COL14A1: variants seen among roughly 807,000 people sequenced by gnomAD.
COL14A1 encodes the protein collagen alpha-1(XIV) chain.
In COL14A1, 136 loss-of-function variants were observed where a neutral mutation model predicts 230.3. That is an observed-to-expected ratio of 0.59 (90% CI 0.51 to 0.68). The LOEUF (loss-of-function observed/expected upper bound fraction) is 0.68, where lower values mean the gene tolerates loss of function less well. Among genes scored for constraint, COL14A1 ranks in the 30% least tolerant of loss-of-function variants. The pLI, the probability that COL14A1 is intolerant of heterozygous loss-of-function variation, is 0.00. For synonymous variants in COL14A1, 792 were observed against 784.1 expected, an observed-to-expected ratio of 1.01 and a Z score of -0.17; for missense variants, 1,976 against 2,215.8, an observed-to-expected ratio of 0.89 and a Z score of 2.17.
intron 24 of COL14A1, among the ~76,000 whole-genome samples, chr8:120,264,692 GA>G (rs1819452716): frequency 6.6e-6 from 1 of 152,108 alleles, no homozygotes; most frequent in African/African-American, 2.4e-5. Flanking sequence ...AGTAGTTTTT[GA>G]AAAGTCAGAA....
At chr8:120,301,043 C>T (rs1343403209) in intron 36 of COL14A1, among the ~76,000 whole-genome samples, 1 of 152,116 alleles carries the variant, frequency 6.6e-6, no homozygotes, top group Non-Finnish European at 1.5e-5. Flanking sequence ...GATGATGCTT[C>T]TCACCACTGT....
At chr8:120,325,919 T>G (rs761124345) in intron 40 of COL14A1, among the ~76,000 whole-genome samples, 1 of 152,228 alleles carries the variant, frequency 6.6e-6, no homozygotes. Flanking sequence ...TTTTAGCTGT[T>G]AATAGTTGAA....
intron 5 of COL14A1, among the ~76,000 whole-genome samples, chr8:120,189,639 C>T (rs1413035783): frequency 7.8e-6 from 1 of 128,132 alleles, no homozygotes; most frequent in Non-Finnish European, 1.6e-5. Context: ...CCCCCCTCCC[C>T]CGACCCCACA....
intron 9 of COL14A1, among the ~76,000 whole-genome samples, chr8:120,205,538 C>T (rs1817401132): frequency 6.6e-6 from 1 of 152,048 alleles, no homozygotes; most frequent in African/African-American, 2.4e-5. Flanking sequence ...GGGTAATATC[C>T]AAGTCTTCTT....
chr8:120,340,958 T>C (rs1177792531), intron 42 of COL14A1, among the ~76,000 whole-genome samples: 1 of 152,190 alleles, frequency 6.6e-6, no homozygotes, highest in Non-Finnish European at 1.5e-5. Flanking sequence ...ATTTGTGAAA[T>C]AAATTATGAA....
chr8:120,249,654 C>T (rs1428893497), intron 21 of COL14A1, among the ~76,000 whole-genome samples: 1 of 152,092 alleles, frequency 6.6e-6, no homozygotes, highest in Non-Finnish European at 1.5e-5. Flanking sequence ...AGGACTTGCT[C>T]CTGGAATCTA....
intron 34 of COL14A1, among the ~76,000 whole-genome samples, chr8:120,294,976 A>G (rs1047876768): frequency 2.0e-5 from 3 of 151,878 alleles, no homozygotes; most frequent in Non-Finnish European, 4.4e-5. Context: ...AAAGGTTTGT[A>G]ATGTAGACAT....
At chr8:120,215,258 C>G (rs1361450489) in intron 13 of COL14A1, among the ~76,000 whole-genome samples, 1 of 152,136 alleles carries the variant, frequency 6.6e-6, no homozygotes, top group Non-Finnish European at 1.5e-5. Context: ...GTAATCCCAG[C>G]TACTCAGGAG....
intron 45 of COL14A1, among the ~76,000 whole-genome samples, chr8:120,363,810 T>C (rs1402438360): frequency 9.9e-5 from 15 of 152,218 alleles, no homozygotes; most frequent in Non-Finnish European, 1.3e-4. Flanking sequence ...TCGCAGTTAC[T>C]AAGAAAGCAA....
At chr8:120,289,870 G>A in intron 34 of COL14A1, 104 bp downstream of exon 34, 1 of 1,130,392 alleles carries the variant, frequency 8.8e-7, no homozygotes, top group Non-Finnish European at 1.3e-6. Flanking sequence ...AAAGATGAAT[G>A]GATAAATGGA....
chr8:120,231,626 T>G lies in COL14A1; in HGVS notation c.2349+8T>G, dbSNP rs1204780848. On this transcript the variant is annotated splice_region_variant and intron_variant, in intron 19 of 47. Coordinates refer to ENST00000297848, the MANE Select transcript of COL14A1 (RefSeq NM_021110.4). ...GAAGAAGTCATAGGAACGGTCTGTA[T>G]AAATTCAACTGACTAGAAACTCTGC... The G allele has an allele frequency of 1.2e-6, 2 of 1,611,112 alleles. No homozygotes were observed.
chr8:120,203,848 A>G lies in COL14A1; in HGVS notation c.1017A>G (p.Glu339=). Residue 339 remains glutamate (E), a synonymous_variant, in exon 9 of 48, where the codon GAA becomes GAG. Transcript: ENST00000297848. ...CCAGGACTCTCTGCTCTAGAGTGGA[A>G]GAACAGGACAGAGAAATTAAAGGTA... ...SLTRTLCSRV[E]EQDREIKASA... is the part of the protein sequence containing the mutation. 6.2e-7 allele frequency: 1 copy of G among 1,613,826 alleles called. No individual in the cohort carries two copies. Among genetic ancestry groups the G allele is most frequent in the Non-Finnish European group, 8.5e-7 (1 of 1,179,808 alleles).
At chr8:120,264,118 C>T (rs776451497) in intron 24 of COL14A1, among the ~76,000 whole-genome samples, 9 of 152,124 alleles carry the variant, frequency 5.9e-5, no homozygotes, top group Admixed American at 3.9e-4. Context: ...TATTTGAAGT[C>T]GATCTCCTTT....
intron 45 of COL14A1, among the ~76,000 whole-genome samples, chr8:120,353,704 C>T (rs1272718441): frequency 6.7e-6 from 1 of 149,880 alleles, no homozygotes; most frequent in Non-Finnish European, 1.5e-5. Context: ...CCATCTCACA[C>T]CAGTTAGAAT....
chr8:120,266,025 A>G (rs1819491661), intron 24 of COL14A1, among the ~76,000 whole-genome samples: 1 of 152,100 alleles, frequency 6.6e-6, no homozygotes, highest in Admixed American at 6.6e-5. Context: ...TTTCCTGAGT[A>G]TTAAACTGGG....
intron 34 of COL14A1, 118 bp downstream of exon 34, chr8:120,289,884 A>T: frequency 9.9e-7 from 1 of 1,008,074 alleles, no homozygotes; most frequent in East Asian, 2.6e-5. Context: ...AAATGGATGG[A>T]TGAATGAATG....
intron 42 of COL14A1, 103 bp from the exon 43 acceptor site, chr8:120,341,222 G>A (rs1348705282): frequency 2.7e-6 from 3 of 1,124,940 alleles, no homozygotes; most frequent in African/African-American, 3.1e-5. Flanking sequence ...CAGAATTACT[G>A]GTGCTAAGAA....
intron 40 of COL14A1, among the ~76,000 whole-genome samples, chr8:120,323,766 AT>A (rs1352699372): frequency 2.0e-5 from 3 of 152,002 alleles, no homozygotes; most frequent in African/African-American, 7.3e-5. Context: ...CTTCTGCTCC[AT>A]TGGTCTATGT....
At position 120,168,200 on chromosome 8, in the gene COL14A1, T is replaced by G; in HGVS notation, c.389T>G (p.Val130Gly). 1 of 1,612,750 alleles carries G rather than the reference T, an allele frequency of 6.2e-7. No homozygotes were observed. Residue 130 changes from valine to glycine, a missense_variant, in exon 5 of 48, where the codon GTC (valine) becomes GGC (glycine). Val to Gly is a moderately radical substitution (Grantham distance 109). Around this residue, in one of 3 missense-constraint regions of COL14A1, gnomAD observed 181 missense variants for 178.6 expected, o/e 1.01. Coordinates refer to ENST00000297848, the MANE Select transcript of COL14A1 (RefSeq NM_021110.4). Reference protein sequence around the residue: ...LEKRKDPKPRVKVVDRGNGSR... With the variant: ...LEKRKDPKPRGKVVDRGNGSR... ...AAAAGAAAGGATCCAAAGCCCAGAGTCAAAGTTGTGGACAGAGGAAATGGG... is the reference window on the plus strand; with the variant it reads ...AAAAGAAAGGATCCAAAGCCCAGAGGCAAAGTTGTGGACAGAGGAAATGGG...
Sources: gnomAD v4.1 joint callset for allele counts (sites outside exome capture counted in the v4.1 genomes callset) on GRCh38, gnomAD v4.1.1 for gene constraint, gnomAD v4.1.1 regional missense constraint, MANE v1.5 for transcripts, NCBI Gene and HGNC (gene_info 2026-07-23, HGNC 2026-07-21) for gene names.